The following TRAP1 variants were observed in gnomAD, a reference collection of about 807,000 sequenced individuals.
TRAP1 encodes the protein heat shock protein 75 kDa, mitochondrial.
A neutral mutation model predicts 89.1 loss-of-function variants in TRAP1; 102 were observed. That is an observed-to-expected ratio of 1.15 (90% CI 0.98 to 1.35). The LOEUF (loss-of-function observed/expected upper bound fraction) is 1.35, where lower values mean the gene tolerates loss of function less well. Ranked by LOEUF, TRAP1 falls within the 40% of genes most tolerant of loss-of-function variation. TRAP1 has a pLI of 0.00. For missense variants in TRAP1, 1,256 were observed against 945.3 expected, an observed-to-expected ratio of 1.33 and a Z score of -4.31; for synonymous variants, 508 against 388.0, an observed-to-expected ratio of 1.31 and a Z score of -3.64.
At chr16:3,672,380 C>G (rs2151251942) in intron 10 of TRAP1, among the ~76,000 whole-genome samples, 1 of 152,230 alleles carries the variant, frequency 6.6e-6, no homozygotes, top group South Asian at 2.1e-4. Flanking sequence ...TGTACCAAGG[C>G]TTAAATACTG....
rs192105324 is a variant in TRAP1 at position 3,668,701 on chromosome 16, G to A, written c.1236-2583C>T. Among the ~76,000 whole-genome samples, 805 of 152,242 alleles carry A rather than the reference G, an allele frequency of 5.3e-3. 13 individuals carry two copies. Among genetic ancestry groups the A allele is most frequent in the Non-Finnish European group, 4.2e-3 (287 of 68,006 alleles). On this transcript the variant is annotated intron_variant, in intron 11 of 17. Coordinates refer to ENST00000246957, the MANE Select transcript of TRAP1 (RefSeq NM_016292.3). ...ATGAGGACCCCTGCTCTGCAGCTTC[G>A]GGCACTACCAGTGGGCCAGCATGCC...
At chr16:3,665,881 T>C (rs971606108) in intron 12 of TRAP1, 90 bp downstream of exon 12, 5 of 1,495,468 alleles carry the variant, frequency 3.3e-6, no homozygotes, top group Admixed American at 2.3e-5. Flanking sequence ...AGCTGCACCG[T>C]CGCCACATCA....
intron 1 of TRAP1, among the ~76,000 whole-genome samples, chr16:3,716,688 C>T (rs1010779248): frequency 7.2e-5 from 11 of 152,220 alleles, no homozygotes; most frequent in Non-Finnish European, 1.6e-4. Flanking sequence ...CTGTGTACAG[C>T]CCCGAAGCAA....
chr16:3,689,484 T>C (rs954628808), intron 2 of TRAP1, among the ~76,000 whole-genome samples: 3 of 152,128 alleles, frequency 2.0e-5, no homozygotes, highest in African/African-American at 7.2e-5. Flanking sequence ...GACCTCATGA[T>C]TGGCCCGCCT....
At chr16:3,701,002 A>T (rs2051358029) in intron 1 of TRAP1, among the ~76,000 whole-genome samples, 1 of 152,210 alleles carries the variant, frequency 6.6e-6, no homozygotes, top group South Asian at 2.1e-4. Context: ...TCTAATTATA[A>T]GGCAAGGATT....
chr16:3,681,475 T>C (rs542000282), intron 4 of TRAP1, among the ~76,000 whole-genome samples: 2 of 151,972 alleles, frequency 1.3e-5, no homozygotes, highest in East Asian at 3.9e-4. Flanking sequence ...AGTGCACACA[T>C]GTGTGCATGT....
At position 3,688,033 on chromosome 16, in the gene TRAP1, C is replaced by T. The variant is rs78099120; in HGVS notation, c.330+1022G>A. Among the ~76,000 whole-genome samples the T allele has an allele frequency of 9.2e-5, 14 of 152,100 alleles. No homozygotes were observed. The East Asian group carries it at 2.5e-3, about 27-fold the overall frequency. ...AACCCGGAAACAGCTCCTAGAAGGC[C>T]CTCTGAGCTTTGAAATCTGCTGCTT... On this transcript the variant is annotated intron_variant, in intron 3 of 17. Coordinates refer to ENST00000246957, the MANE Select transcript of TRAP1 (RefSeq NM_016292.3).
chr16:3,685,014 G>A (rs1235341834), intron 4 of TRAP1, among the ~76,000 whole-genome samples: 1 of 152,180 alleles, frequency 6.6e-6, no homozygotes, highest in Non-Finnish European at 1.5e-5. Context: ...GGCACATGAG[G>A]ACTGGCCCCT....
rs760293721 is a variant in TRAP1, at chr16:3,664,488, A to C, written c.1384-29T>G. 2.5e-6 allele frequency: 4 copies of C among 1,587,560 alleles called. No homozygotes were observed. In the South Asian group the frequency reaches 4.6e-5, roughly 18 times the overall value. Reference sequence around the variant, plus strand: ...GAAGGGACGGGGCAGGTCACCACTTATTCCAGGCCCATGGGCTCAATGTTG... The same window carrying C: ...GAAGGGACGGGGCAGGTCACCACTTCTTCCAGGCCCATGGGCTCAATGTTG... On this transcript the variant is annotated intron_variant, in intron 12 of 17. Coordinates refer to ENST00000246957, the MANE Select transcript of TRAP1 (RefSeq NM_016292.3).
chr16:3,688,369 C>T (rs180768261), intron 3 of TRAP1, among the ~76,000 whole-genome samples: 3 of 152,278 alleles, frequency 2.0e-5, no homozygotes, highest in East Asian at 3.9e-4. Flanking sequence ...GAACCTTCTT[C>T]CTCCGGCAGC....
chr16:3,668,111 T>G (rs2050861680), intron 11 of TRAP1, among the ~76,000 whole-genome samples: 2 of 152,010 alleles, frequency 1.3e-5, no homozygotes, highest in Non-Finnish European at 2.9e-5. Flanking sequence ...GTGTTTTTAG[T>G]AGAGATGGGG....
chr16:3,713,665 C>T (rs144887053), intron 1 of TRAP1, among the ~76,000 whole-genome samples: 3 of 152,354 alleles, frequency 2.0e-5, no homozygotes, highest in Non-Finnish European at 2.9e-5. Context: ...GCAGTCACCT[C>T]GTCATGCAAA....
At chr16:3,714,074 C>T (rs939636670) in intron 1 of TRAP1, among the ~76,000 whole-genome samples, 3 of 152,242 alleles carry the variant, frequency 2.0e-5, no homozygotes, top group South Asian at 2.1e-4. Flanking sequence ...AGACATGGAA[C>T]GTTCCTCCCT....
Position 3,658,389 on chromosome 16 carries a change from G to T in TRAP1, c.2014-159C>A, listed in dbSNP as rs540528113. ...GATCCCCCCGCCTCCCAAAGTGCTG[G>T]GATTACAGGCGTGAGCCACCACGCC... On this transcript the variant is annotated intron_variant, in intron 17 of 17. Coordinates refer to ENST00000246957, the MANE Select transcript of TRAP1 (RefSeq NM_016292.3). 4.5e-6 allele frequency: 3 copies of T among 660,332 alleles called. No homozygotes were observed. The East Asian group carries it at 8.2e-5, about 18-fold the overall frequency. The allele number at this position is 660,332 out of a possible 1,614,324, so 40.9% of individuals were successfully genotyped here. A position where few individuals can be genotyped will look rare whatever the true frequency, so the allele number is the denominator to read the frequency against.
chr16:3,712,178 A>G (rs1361539488), intron 1 of TRAP1, among the ~76,000 whole-genome samples: 1 of 149,460 alleles, frequency 6.7e-6, no homozygotes, highest in Admixed American at 6.8e-5. Context: ...AGTCCCAGCT[A>G]CTCAGGAGGC....
At chr16:3,717,348 C>T (rs1379997590) in intron 1 of TRAP1, 73 bp downstream of exon 1, 6 of 596,404 alleles carry the variant, frequency 1.0e-5, no homozygotes, top group Admixed American at 4.5e-5. Context: ...CCTCGCTCCC[C>T]GGAGCACAGG....
chr16:3,660,658 C>T (rs982989508), intron 16 of TRAP1: 5 of 152,204 alleles, frequency 3.3e-5, no homozygotes, highest in Non-Finnish European at 5.9e-5. Context: ...AGCCTTTCCC[C>T]AGGAGTGCCA....
rs1567231300 is a variant in TRAP1, at chr16:3,676,092, A to AT, written c.757dup (p.Ile253AsnfsTer56). On this transcript the variant is annotated frameshift_variant, in exon 7 of 18. Transcript: ENST00000246957. LOFTEE classifies it high-confidence loss of function. ...GCAGTCGGATTTCAGGTGGATGATG[A>AT]TTTTTGTCCCGGTTCTAACTCCCGA... 3.1e-6 allele frequency: 5 copies of AT among 1,613,618 alleles called. No homozygotes were observed.
intron 13 of TRAP1, 57 bp from the exon 14 acceptor site, chr16:3,663,619 A>G: frequency 6.2e-7 from 1 of 1,606,114 alleles, no homozygotes; most frequent in Non-Finnish European, 8.5e-7. Context: ...CCACCACAGA[A>G]GAAAGGATGA....
Sources: allele counts gnomAD v4.1 joint callset (sites outside exome capture counted in the v4.1 genomes callset), GRCh38; gene constraint gnomAD v4.1.1; transcripts MANE v1.5; gene names NCBI Gene and HGNC (gene_info 2026-07-23, HGNC 2026-07-21).